Variants in ABLIM1 observed in about 807,000 individuals in gnomAD.
ABLIM1 encodes actin binding LIM protein 1, also known as actin-binding LIM protein 1.
Under a neutral mutation model 107.0 loss-of-function variants are expected in ABLIM1, and 40 were observed. That is an observed-to-expected ratio of 0.37 (90% CI 0.29 to 0.49). The LOEUF (loss-of-function observed/expected upper bound fraction) is 0.49, where lower values mean the gene tolerates loss of function less well. Among genes scored for constraint, ABLIM1 ranks in the 20% least tolerant of loss-of-function variants. ABLIM1 has a pLI of 0.97. For synonymous variants in ABLIM1, 357 were observed against 357.3 expected, an observed-to-expected ratio of 1.00 and a Z score of 0.01; for missense variants, 857 against 1,008.5, an observed-to-expected ratio of 0.85 and a Z score of 2.04.
At chr10:114,495,768 C>T (rs1365048917) in intron 6 of ABLIM1, among the ~76,000 whole-genome samples, 1 of 152,082 alleles carries the variant, frequency 6.6e-6, no homozygotes, top group East Asian at 1.9e-4. Context: ...TATTATTATC[C>T]TTATTTTAAA....
Position 114,438,059 on chromosome 10 carries a change from C to A in ABLIM1, c.2143-135G>T, listed in dbSNP as rs1167025123. ...TGACAGAATTCGAGTGATGGGTCTTCCTTCTGCAAGGCCAGTGGAAGCTCC... is the reference window on the plus strand; with the variant it reads ...TGACAGAATTCGAGTGATGGGTCTTACTTCTGCAAGGCCAGTGGAAGCTCC... On this transcript the variant is annotated intron_variant, in intron 21 of 22. Coordinates refer to ENST00000533213, the MANE Select transcript of ABLIM1 (RefSeq NM_002313.7). 4 of 794,222 alleles carry A rather than the reference C, an allele frequency of 5.0e-6. No homozygotes were observed. The African/African-American group carries it at 7.0e-5, about 14-fold the overall frequency. 49.2% of individuals were successfully genotyped at this position (794,222 alleles called of 1,614,324 possible). A position where few individuals can be genotyped will look rare whatever the true frequency, so the allele number is the denominator to read the frequency against.
intron 1 of ABLIM1, among the ~76,000 whole-genome samples, chr10:114,694,301 A>G (rs1337329027): frequency 1.3e-5 from 2 of 152,104 alleles, no homozygotes; most frequent in Non-Finnish European, 2.9e-5. Context: ...CGGACTTCCT[A>G]GACTCTGCAG....
intron 15 of ABLIM1, among the ~76,000 whole-genome samples, chr10:114,446,525 A>G (rs2139412960): frequency 6.6e-6 from 1 of 152,378 alleles, no homozygotes; most frequent in South Asian, 2.1e-4. Flanking sequence ...GGGAGGAAAC[A>G]GGAAAGTTTG....
At chr10:114,499,851 A>G (rs560069646) in intron 6 of ABLIM1, among the ~76,000 whole-genome samples, 22 of 152,304 alleles carry the variant, frequency 1.4e-4, no homozygotes, top group Admixed American at 1.3e-3. Flanking sequence ...AGGCTGACTC[A>G]GCTTTTTTGC....
chr10:114,800,927 A>T, the ABLIM1 span, among the ~76,000 whole-genome samples: 1 of 152,102 alleles, frequency 6.6e-6, no homozygotes, highest in Non-Finnish European at 1.5e-5. Context: ...AAAAACAAAA[A>T]AAAAGAAAAG....
At chr10:114,437,965 CATTTT>C in intron 21 of ABLIM1, 41 bp from the exon 22 acceptor site, 1 of 1,563,490 alleles carries the variant, frequency 6.4e-7, no homozygotes, top group Non-Finnish European at 8.8e-7. Context: ...CACCACAGTC[CATTTT>C]ATTAACAAGC....
chr10:114,468,780 G>A (rs1002645991), intron 10 of ABLIM1, among the ~76,000 whole-genome samples: 14 of 151,948 alleles, frequency 9.2e-5, no homozygotes, highest in South Asian at 6.2e-4. Context: ...GGCCGGGTGC[G>A]GTGGCTCACG....
At chr10:114,623,475 A>G (rs2077594703) in intron 1 of ABLIM1, among the ~76,000 whole-genome samples, 1 of 152,168 alleles carries the variant, frequency 6.6e-6, no homozygotes, top group Non-Finnish European at 1.5e-5. Context: ...TCTTTTTGCC[A>G]TCTGTGCATG....
At chr10:114,462,701 T>C (rs570971560) in intron 12 of ABLIM1, among the ~76,000 whole-genome samples, 1 of 151,930 alleles carries the variant, frequency 6.6e-6, no homozygotes, top group Non-Finnish European at 1.5e-5. Context: ...CCCAGGAAAA[T>C]ATTCCAATTA....
At chr10:114,595,012 T>C (rs1251655801) in intron 2 of ABLIM1, 1 of 152,028 alleles carries the variant, frequency 6.6e-6, no homozygotes, top group East Asian at 1.9e-4. Context: ...TAGGGAGTAG[T>C]TGATTTTATA....
intron 1 of ABLIM1, among the ~76,000 whole-genome samples, chr10:114,621,826 G>C (rs1234774919): frequency 6.6e-6 from 1 of 152,214 alleles, no homozygotes; most frequent in African/African-American, 2.4e-5. Context: ...ATTGTAATGT[G>C]ATCAGGCCGC....
intron 1 of ABLIM1, among the ~76,000 whole-genome samples, chr10:114,751,041 G>T (rs1566302816): frequency 6.6e-6 from 1 of 152,178 alleles, no homozygotes; most frequent in Non-Finnish European, 1.5e-5. Context: ...AGTCGCTGAT[G>T]CTTTACTGCA....
intron 6 of ABLIM1, among the ~76,000 whole-genome samples, chr10:114,496,784 G>A (rs1051582235): frequency 6.6e-6 from 1 of 152,172 alleles, no homozygotes; most frequent in East Asian, 1.9e-4. Flanking sequence ...CAAGACATTC[G>A]GTGAGCCAGA....
intron 1 of ABLIM1, among the ~76,000 whole-genome samples, chr10:114,725,822 G>A (rs73373727): frequency 0.017 from 2,584 of 150,990 alleles, 68 homozygotes; most frequent in African/African-American, 0.06. Context: ...ACAGCTCACC[G>A]TAGCCTCAAC....
At position 114,736,234 on chromosome 10, in the gene ABLIM1, T is replaced by C. The variant is rs558803125; in HGVS notation, c.-213+31827A>G. Among the ~76,000 whole-genome samples the C allele has an allele frequency of 4.6e-5, 7 of 152,304 alleles. No individual in the cohort carries two copies. The South Asian group carries it at 1.5e-3, about 32-fold the overall frequency. Reference sequence around the variant, plus strand: ...CATCTGTCACCTGTAAAGAATAGCCTGGCCCTAGAATGTGAAATTTAACAC... The same window carrying C: ...CATCTGTCACCTGTAAAGAATAGCCCGGCCCTAGAATGTGAAATTTAACAC... On this transcript the variant is annotated intron_variant, in intron 1 of 15. Transcript: ENST00000651092.
chr10:114,798,606 G>A, the ABLIM1 span, among the ~76,000 whole-genome samples: 1 of 149,908 alleles, frequency 6.7e-6, no homozygotes, highest in Non-Finnish European at 1.5e-5. Flanking sequence ...GCCAGGCATG[G>A]TGGTGCACAT....
chr10:114,676,535 C>T (rs1269769973), intron 1 of ABLIM1, among the ~76,000 whole-genome samples: 1 of 151,840 alleles, frequency 6.6e-6, no homozygotes, highest in Non-Finnish European at 1.5e-5. Context: ...CAATCAGTAA[C>T]CATGAGACTG....
intron 10 of ABLIM1, among the ~76,000 whole-genome samples, chr10:114,469,933 G>A (rs147517268): frequency 6.6e-5 from 10 of 152,198 alleles, no homozygotes; most frequent in Admixed American, 3.3e-4. Flanking sequence ...GTAAGTGGGC[G>A]GACTGTCTGT....
chr10:114,743,324 A>C (rs1246754103), intron 1 of ABLIM1, among the ~76,000 whole-genome samples: 1 of 152,202 alleles, frequency 6.6e-6, no homozygotes, highest in Non-Finnish European at 1.5e-5. Context: ...CAGAGTAAGT[A>C]ACTCAATTAG....
Sources: gnomAD v4.1 joint callset for allele counts (sites outside exome capture counted in the v4.1 genomes callset) on GRCh38, gnomAD v4.1.1 for gene constraint, MANE v1.5 for transcripts, NCBI Gene and HGNC (gene_info 2026-07-23, HGNC 2026-07-21) for gene names.